The following TBC1D1 variants were observed in gnomAD, a reference collection of about 807,000 sequenced individuals.
TBC1D1 encodes the protein TBC1 (tre-2/USP6, BUB2, cdc16) domain family, member 1.
In TBC1D1, 89 loss-of-function variants were observed where a neutral mutation model predicts 125.6. The observed-to-expected ratio is 0.71, with a 90% CI of 0.60 to 0.85. TBC1D1 has a LOEUF of 0.85. Among genes scored for constraint, TBC1D1 ranks in the 40% least tolerant of loss-of-function variants. TBC1D1 has a pLI of 0.00. For missense variants in TBC1D1, 1,377 were observed against 1,469.2 expected (o/e 0.94, Z 1.03); for synonymous variants, 565 against 564.1 (o/e 1.00, Z -0.02).
At chr4:38,048,573 A>G (rs1316400736) in intron 10 of TBC1D1, among the ~76,000 whole-genome samples, 1 of 149,788 alleles carries the variant, frequency 6.7e-6, no homozygotes, top group Non-Finnish European at 1.5e-5. Context: ...AAAACCCTCA[A>G]TACTTGTTAC....
intron 2 of TBC1D1, among the ~76,000 whole-genome samples, chr4:38,008,804 C>T (rs1740878957): frequency 6.6e-6 from 1 of 152,226 alleles, no homozygotes; most frequent in African/African-American, 2.4e-5. Flanking sequence ...GAGCGGCCTT[C>T]TGTGCCTTCG....
intron 4 of TBC1D1, among the ~76,000 whole-genome samples, chr4:38,020,059 G>A (rs1743670805): frequency 6.6e-6 from 1 of 151,162 alleles, no homozygotes; most frequent in East Asian, 1.9e-4. Flanking sequence ...TGAATTTTCA[G>A]ATCTTATTTT....
At chr4:38,134,808 A>G (rs1766203943) in intron 19 of TBC1D1, among the ~76,000 whole-genome samples, 1 of 152,250 alleles carries the variant, frequency 6.6e-6, no homozygotes, top group Non-Finnish European at 1.5e-5. Flanking sequence ...TAAAGGCATC[A>G]GACAGTAATT....
At chr4:38,021,283 C>G (rs543002119) in intron 5 of TBC1D1, among the ~76,000 whole-genome samples, 2 of 152,324 alleles carry the variant, frequency 1.3e-5, no homozygotes, top group South Asian at 4.1e-4. Flanking sequence ...TCAATTACCT[C>G]CCACTGGGTC....
At chr4:37,921,084 A>T (rs909491768) in intron 2 of TBC1D1, among the ~76,000 whole-genome samples, 19 of 134,060 alleles carry the variant, frequency 1.4e-4, no homozygotes, top group East Asian at 7.2e-4. Context: ...CACTCCAGCC[A>T]GGGCGACAGA....
intron 12 of TBC1D1, among the ~76,000 whole-genome samples, chr4:38,075,024 G>T (rs1755345983): frequency 6.6e-6 from 1 of 152,204 alleles, no homozygotes; most frequent in Non-Finnish European, 1.5e-5. Context: ...CTCCCAAAGT[G>T]CTGGGATTAC....
intron 2 of TBC1D1, among the ~76,000 whole-genome samples, chr4:37,909,303 G>C (rs1462980118): frequency 6.6e-6 from 1 of 152,100 alleles, no homozygotes; most frequent in African/African-American, 2.4e-5. Context: ...AGCCATTGTT[G>C]CCTTGGCTGA....
chr4:38,110,554 T>G, intron 15 of TBC1D1: 1 of 985,460 alleles, frequency 1.0e-6, no homozygotes, highest in Non-Finnish European at 1.2e-6. Flanking sequence ...GATCATCTTG[T>G]AGGCCTTTCT....
rs200919268 is a variant in TBC1D1, at chr4:38,049,630, T to C, written c.1642T>C (p.Cys548Arg). Reference sequence around the variant, plus strand: ...TGTTTGCTCCCAGGAGCCATCTGTGTGTGAAAAGGAGGCCTTGCCCATCTC... The same window carrying C: ...TGTTTGCTCCCAGGAGCCATCTGTGCGTGAAAAGGAGGCCTTGCCCATCTC... Residue 548 changes from cysteine (C) to arginine (R), a missense_variant, in exon 11 of 20, where the codon TGT (cysteine) becomes CGT (arginine). Cys to Arg is a radical substitution (Grantham distance 180). Around this residue, in one of 3 missense-constraint regions of TBC1D1, gnomAD observed 822 missense variants for 824.6 expected, o/e 1.00. Coordinates refer to ENST00000261439, the MANE Select transcript of TBC1D1 (RefSeq NM_015173.4). 6.2e-7 allele frequency: 1 copy of C among 1,607,724 alleles called. No individual in the cohort carries two copies. Among genetic ancestry groups the C allele is most frequent in the Non-Finnish European group, 8.5e-7 (1 of 1,175,702 alleles).
intron 2 of TBC1D1, among the ~76,000 whole-genome samples, chr4:37,988,482 A>G (rs746211980): frequency 3.0e-4 from 45 of 152,204 alleles, no homozygotes; most frequent in Non-Finnish European, 6.2e-4. Flanking sequence ...GGGATGATAA[A>G]CAGCTATCCT....
At chr4:38,089,415 G>C (rs1324788362) in intron 12 of TBC1D1, among the ~76,000 whole-genome samples, 1 of 152,178 alleles carries the variant, frequency 6.6e-6, no homozygotes, top group African/African-American at 2.4e-5. Context: ...GCACATGAAA[G>C]CCAGACTGTT....
At chr4:38,099,269 A>G (rs1046503004) in intron 14 of TBC1D1, among the ~76,000 whole-genome samples, 1 of 152,254 alleles carries the variant, frequency 6.6e-6, no homozygotes, top group Admixed American at 6.5e-5. Context: ...CTTGAAAATG[A>G]CACCATAAGT....
intron 13 of TBC1D1, among the ~76,000 whole-genome samples, chr4:38,091,343 G>T (rs963579628): frequency 1.3e-5 from 2 of 152,168 alleles, no homozygotes; most frequent in African/African-American, 4.8e-5. Flanking sequence ...ATAGCACACT[G>T]GGGGGCGTTT....
chr4:37,954,225 GA>G (rs958940773), intron 2 of TBC1D1, among the ~76,000 whole-genome samples: 1 of 152,216 alleles, frequency 6.6e-6, no homozygotes, highest in African/African-American at 2.4e-5. Context: ...GGTAGGAGAG[GA>G]GGGGCAGACG....
intron 2 of TBC1D1, among the ~76,000 whole-genome samples, chr4:37,962,247 T>C (rs1730207478): frequency 6.6e-6 from 1 of 152,216 alleles, no homozygotes; most frequent in Non-Finnish European, 1.5e-5. Context: ...ACCCAGCCAT[T>C]GTCCTCTTCA....
At chr4:38,051,988 C>G in intron 11 of TBC1D1, 1 of 1,550,958 alleles carries the variant, frequency 6.4e-7, no homozygotes, top group South Asian at 1.2e-5. Flanking sequence ...CCCTCCGCCT[C>G]CTCGCCAAAC....
Position 38,049,902 on chromosome 4 carries a change from AG to A in TBC1D1, c.1910+5del. ...CAGAGACGCCTCATGAACGAAAGTA[AG>A]ATTTGTTTAAATTTGTTGCATAAAT... On this transcript the variant is annotated splice_donor_5th_base_variant and intron_variant, in intron 11 of 19. Coordinates refer to ENST00000261439, the MANE Select transcript of TBC1D1 (RefSeq NM_015173.4). The A allele has an allele frequency of 1.9e-6, 3 of 1,605,212 alleles. No homozygotes were observed. Among genetic ancestry groups the A allele is most frequent in the Non-Finnish European group, 2.6e-6 (3 of 1,174,960 alleles).
chr4:38,089,291 G>A (rs1459077353), intron 12 of TBC1D1, among the ~76,000 whole-genome samples: 1 of 152,182 alleles, frequency 6.6e-6, no homozygotes, highest in South Asian at 2.1e-4. Flanking sequence ...AATGCCCAGC[G>A]CAGTGCCCAG....
chr4:37,901,927 C>T (rs1489583935), intron 1 of TBC1D1, 76 bp from the exon 2 acceptor site: 4 of 626,968 alleles, frequency 6.4e-6, no homozygotes, highest in Non-Finnish European at 1.1e-5. Flanking sequence ...TTGAGTTCTT[C>T]TGAAATAATA....
Sources: gnomAD v4.1 joint callset for allele counts (sites outside exome capture counted in the v4.1 genomes callset) on GRCh38, gnomAD v4.1.1 for gene constraint, gnomAD v4.1.1 regional missense constraint, MANE v1.5 for transcripts, NCBI Gene and HGNC (gene_info 2026-07-23, HGNC 2026-07-21) for gene names.